HMGCLL1: variants seen among roughly 807,000 people sequenced by gnomAD.
The protein encoded by HMGCLL1 is 3-hydroxy-3-methylglutaryl-CoA lyase like 1, also known as 3-hydroxymethyl-3-methylglutaryl-CoA lyase, cytoplasmic.
In HMGCLL1, 36 loss-of-function variants were observed where a neutral mutation model predicts 39.1. That is an observed-to-expected ratio of 0.92 (90% CI 0.71 to 1.22). HMGCLL1 has a LOEUF of 1.22. Ranked by LOEUF, HMGCLL1 falls within the 50% of genes most tolerant of loss-of-function variation. The probability of loss-of-function intolerance (pLI) is 0.00; values close to 1 mark genes in which losing one functional copy is unlikely to be tolerated. For missense variants in HMGCLL1, 451 were observed against 416.5 expected, an observed-to-expected ratio of 1.08 and a Z score of -0.72; for synonymous variants, 149 against 144.0, an observed-to-expected ratio of 1.03 and a Z score of -0.25.
chr6:55,617,782 T>A, the HMGCLL1 span, among the ~76,000 whole-genome samples: 1 of 152,054 alleles, frequency 6.6e-6, no homozygotes, highest in Non-Finnish European at 1.5e-5. Flanking sequence ...GAGAGCTCCA[T>A]GCCCTAGGGA....
At chr6:55,481,190 G>A (rs1475691793) in intron 7 of HMGCLL1, among the ~76,000 whole-genome samples, 1 of 151,994 alleles carries the variant, frequency 6.6e-6, no homozygotes, top group African/African-American at 2.4e-5. Context: ...AGACCAGCCT[G>A]GGCAACTTGT....
chr6:55,486,402 A>C (rs1427952066), intron 7 of HMGCLL1, among the ~76,000 whole-genome samples: 2 of 152,064 alleles, frequency 1.3e-5, no homozygotes, highest in African/African-American at 4.8e-5. Flanking sequence ...CAAGAGGCTG[A>C]GATACATCTA....
At chr6:55,524,160 T>G (rs998989772) in intron 3 of HMGCLL1, among the ~76,000 whole-genome samples, 5 of 151,802 alleles carry the variant, frequency 3.3e-5, no homozygotes, top group African/African-American at 1.2e-4. Context: ...TAAAGTTTTA[T>G]TGACAGTGCT....
chr6:55,551,976 T>C (rs545129899), intron 1 of HMGCLL1, among the ~76,000 whole-genome samples: 1 of 152,128 alleles, frequency 6.6e-6, no homozygotes, highest in African/African-American at 2.4e-5. Flanking sequence ...GGACCTGAAA[T>C]AGCTGGACAT....
chr6:55,451,509 C>T (rs540608303), intron 7 of HMGCLL1, among the ~76,000 whole-genome samples: 2 of 152,080 alleles, frequency 1.3e-5, no homozygotes, highest in South Asian at 4.2e-4. Flanking sequence ...GAGATCGCGC[C>T]ATTGCACTCC....
chr6:55,667,343 G>T, the HMGCLL1 span, among the ~76,000 whole-genome samples: 19 of 151,884 alleles, frequency 1.3e-4, no homozygotes, highest in African/African-American at 4.6e-4. Context: ...AAGCATAGCT[G>T]AAGTTACCAA....
chr6:55,633,905 G>T, the HMGCLL1 span, among the ~76,000 whole-genome samples: 1 of 152,032 alleles, frequency 6.6e-6, no homozygotes, highest in East Asian at 1.9e-4. Flanking sequence ...AATTCCTCAA[G>T]TATCCGAAAC....
At chr6:55,621,234 A>G in the HMGCLL1 span, among the ~76,000 whole-genome samples, 1 of 152,126 alleles carries the variant, frequency 6.6e-6, no homozygotes, top group African/African-American at 2.4e-5. Flanking sequence ...TTTTAACAAC[A>G]TTGATTATTC....
chr6:55,662,708 G>A, the HMGCLL1 span, among the ~76,000 whole-genome samples: 1 of 151,840 alleles, frequency 6.6e-6, no homozygotes, highest in Non-Finnish European at 1.5e-5. Flanking sequence ...ATGAGTTAGG[G>A]AGGAGTCCCT....
At chr6:55,476,838 G>T (rs1293555407) in intron 7 of HMGCLL1, among the ~76,000 whole-genome samples, 1 of 150,680 alleles carries the variant, frequency 6.6e-6, no homozygotes, top group Non-Finnish European at 1.5e-5. Context: ...TAGGATTTGT[G>T]ATCAAGGTTA....
intron 7 of HMGCLL1, among the ~76,000 whole-genome samples, chr6:55,458,543 C>T (rs901910884): frequency 5.9e-5 from 9 of 152,046 alleles, no homozygotes; most frequent in South Asian, 2.1e-4. Context: ...AAAATGAAGA[C>T]GGTCAGAACA....
intron 1 of HMGCLL1, among the ~76,000 whole-genome samples, chr6:55,558,444 C>T (rs919624674): frequency 6.6e-6 from 1 of 152,086 alleles, no homozygotes; most frequent in African/African-American, 2.4e-5. Flanking sequence ...CTTGTTAGGA[C>T]CATAAATTAC....
intron 4 of HMGCLL1, among the ~76,000 whole-genome samples, chr6:55,514,909 G>A (rs1343416015): frequency 2.0e-5 from 3 of 152,046 alleles, no homozygotes; most frequent in Admixed American, 6.6e-5. Context: ...TTCTGTTAAT[G>A]TATTTCTAGC....
chr6:55,544,319 C>T (rs2127460147), intron 1 of HMGCLL1, among the ~76,000 whole-genome samples: 2 of 152,144 alleles, frequency 1.3e-5, no homozygotes, highest in South Asian at 4.2e-4. Context: ...AACGAAACAG[C>T]CTTTGAAATA....
chr6:55,605,926 C>T, the HMGCLL1 span, among the ~76,000 whole-genome samples: 2 of 152,092 alleles, frequency 1.3e-5, no homozygotes, highest in Non-Finnish European at 2.9e-5. Context: ...TTCCCTCCAG[C>T]AAAATAACAA....
chr6:55,523,294 C>T (rs1010184373), intron 3 of HMGCLL1, among the ~76,000 whole-genome samples: 3 of 151,890 alleles, frequency 2.0e-5, no homozygotes, highest in African/African-American at 7.3e-5. Flanking sequence ...AAGGCATAGC[C>T]AGAAAATCTA....
chr6:55,616,538 G>A, the HMGCLL1 span, among the ~76,000 whole-genome samples: 1 of 152,100 alleles, frequency 6.6e-6, no homozygotes, highest in Non-Finnish European at 1.5e-5. Context: ...TTTTAAGCTA[G>A]TCATTTTGAA....
the HMGCLL1 span, among the ~76,000 whole-genome samples, chr6:55,674,413 A>C: frequency 1.3e-5 from 2 of 151,936 alleles, no homozygotes; most frequent in African/African-American, 4.8e-5. Flanking sequence ...AAAAAGAAAA[A>C]AAAATTTGAA....
At chr6:55,525,988 C>A (rs1387495809) in intron 3 of HMGCLL1, among the ~76,000 whole-genome samples, 2 of 151,852 alleles carry the variant, frequency 1.3e-5, no homozygotes, top group African/African-American at 4.8e-5. Flanking sequence ...AAATGGATGT[C>A]ACCTTGGATC....
Sources: allele counts gnomAD v4.1 joint callset (sites outside exome capture counted in the v4.1 genomes callset), GRCh38; gene constraint gnomAD v4.1.1; transcripts MANE v1.5; gene names NCBI Gene and HGNC (gene_info 2026-07-23, HGNC 2026-07-21).